The following PCDHGA4 variants were observed in gnomAD, a reference collection of about 807,000 sequenced individuals.
PCDHGA4 encodes the protein protocadherin gamma subfamily A, 4.
Under a neutral mutation model 54.6 loss-of-function variants are expected in PCDHGA4, and 38 were observed. The ratio of observed to expected loss-of-function variants is 0.70; its 90% CI spans 0.54 to 0.91. The LOEUF (loss-of-function observed/expected upper bound fraction) is 0.91. PCDHGA4 is among the 40% of genes least tolerant of loss of function. The pLI is 0.00. For missense variants in PCDHGA4, 1,298 were observed against 1,220.9 expected (o/e 1.06, Z -0.94); for synonymous variants, 511 against 512.9 (o/e 1.00, Z 0.05).
Position 141,356,262 on chromosome 5 carries a change from C to T in PCDHGA4, c.1155C>T (p.Ser385=). ...AAGTCACAGTTACATCTCTCACCAG[C>T]TCAGTCCAGGAATCTTCTTCCCCGG... ...APEVTVTSLT[S]SVQESSSPGT... Residue 385 remains serine (S), a synonymous_variant, in exon 1 of 4, where the codon AGC becomes AGT. Transcript: ENST00000571252. The T allele has an allele frequency of 6.4e-7, 1 of 1,566,296 alleles. No individual in the cohort carries two copies. Among genetic ancestry groups the T allele is most frequent in the South Asian group, 1.2e-5 (1 of 85,408 alleles).
chr5:141,361,966 G>T (rs763102211), intron 1 of PCDHGA4: 1 of 1,601,844 alleles, frequency 6.2e-7, no homozygotes, highest in African/African-American at 1.3e-5. Context: ...CGTGCTGCAG[G>T]CCAGCGAGCC....
chr5:141,422,775 T>G (rs1179216247), intron 1 of PCDHGA4: 1 of 1,614,046 alleles, frequency 6.2e-7, no homozygotes, highest in Non-Finnish European at 8.5e-7. Context: ...GTGTTCTCTA[T>G]GCCCTACAAT....
intron 1 of PCDHGA4, among the ~76,000 whole-genome samples, chr5:141,368,786 T>A (rs997077499): frequency 6.6e-6 from 1 of 152,202 alleles, no homozygotes; most frequent in Non-Finnish European, 1.5e-5. Flanking sequence ...TTCTGAAGAA[T>A]AATTTTTCAT....
At chr5:141,376,909 G>T (rs1253318299) in intron 1 of PCDHGA4, 1 of 186,916 alleles carries the variant, frequency 5.3e-6, no homozygotes, top group Non-Finnish European at 1.1e-5. Context: ...GGATGGTCTC[G>T]ATCTCCTGAC....
At chr5:141,394,968 T>C in intron 1 of PCDHGA4, 1 of 1,613,938 alleles carries the variant, frequency 6.2e-7, no homozygotes, top group Non-Finnish European at 8.5e-7. Context: ...GCTGAGGCGC[T>C]GGCACAAGTC....
chr5:141,430,822 G>C lies in PCDHGA4; in HGVS notation c.2515-63985G>C, dbSNP rs752634890. 5.8e-6 allele frequency: 9 copies of C among 1,542,380 alleles called. No homozygotes were observed. The African/African-American group carries it at 1.1e-4, about 19-fold the overall frequency. On this transcript the variant is annotated intron_variant, in intron 1 of 3. Transcript: ENST00000571252. ...TTGTCCTGCTGGGAATCCTCCTGGGGACTCTGTGGGAGACCGGATGCACCC... is the reference window on the plus strand; with the variant it reads ...TTGTCCTGCTGGGAATCCTCCTGGGCACTCTGTGGGAGACCGGATGCACCC...
intron 1 of PCDHGA4, among the ~76,000 whole-genome samples, chr5:141,435,710 C>T (rs1033703743): frequency 1.3e-5 from 2 of 152,148 alleles, no homozygotes; most frequent in Admixed American, 6.5e-5. Flanking sequence ...TGGTTACAGA[C>T]ACTGAATGCT....
At chr5:141,496,698 C>T (rs2099770595) in intron 2 of PCDHGA4, among the ~76,000 whole-genome samples, 1 of 152,196 alleles carries the variant, frequency 6.6e-6, no homozygotes, top group Non-Finnish European at 1.5e-5. Context: ...CCAACCTTCT[C>T]ATAAGTTATC....
At chr5:141,369,787 A>G (rs1340381540) in intron 1 of PCDHGA4, among the ~76,000 whole-genome samples, 2 of 152,346 alleles carry the variant, frequency 1.3e-5, no homozygotes, top group African/African-American at 4.8e-5. Context: ...GCCTCTTTAT[A>G]CTACGTCTTC....
At chr5:141,425,987 G>A (rs1304785231) in intron 1 of PCDHGA4, among the ~76,000 whole-genome samples, 1 of 152,188 alleles carries the variant, frequency 6.6e-6, no homozygotes, top group Non-Finnish European at 1.5e-5. Flanking sequence ...GAATCCCATT[G>A]AATTAGCAAA....
chr5:141,374,181 A>C (rs765792921), intron 1 of PCDHGA4: 2 of 1,613,530 alleles, frequency 1.2e-6, no homozygotes, highest in African/African-American at 2.7e-5. Flanking sequence ...CAGATCCGCT[A>C]CTCTATTCCC....
rs1049654933 is a variant in PCDHGA4 at position 141,497,808 on chromosome 5, A to G, written c.2573+2943A>G. 2.6e-5 allele frequency among the ~76,000 whole-genome samples: 4 copies of G among 152,282 alleles called. No homozygotes were observed. The East Asian group carries it at 7.7e-4, about 29-fold the overall frequency. Reference sequence around the variant, plus strand: ...ACCTGCTTCAGCTTCCCAAAGTGCTAGAATTACAGGTGTGATCGCCCCCGG... The same window carrying G: ...ACCTGCTTCAGCTTCCCAAAGTGCTGGAATTACAGGTGTGATCGCCCCCGG... On this transcript the variant is annotated intron_variant, in intron 2 of 3. Coordinates refer to ENST00000571252, the MANE Select transcript of PCDHGA4 (RefSeq NM_018917.4).
chr5:141,413,806 A>C, intron 1 of PCDHGA4: 1 of 1,613,168 alleles, frequency 6.2e-7, no homozygotes. Flanking sequence ...GGAAGAGGCC[A>C]TTCACCACCT....
chr5:141,451,576 C>G (rs997933491), intron 1 of PCDHGA4, among the ~76,000 whole-genome samples: 10 of 152,164 alleles, frequency 6.6e-5, no homozygotes, highest in Middle Eastern at 3.4e-3. Context: ...TTTTTATAAA[C>G]CTAATTTTGA....
At chr5:141,377,577 CAGAATGAGACTTTT>C (rs1211676701) in intron 1 of PCDHGA4, 2 of 148,600 alleles carry the variant, frequency 1.3e-5, no homozygotes, top group African/African-American at 2.5e-5. Context: ...GCCTGGGAGA[CAGAATGAGACTTTT>C]TCTCTCTCTC....
Position 141,491,663 on chromosome 5 carries a change from T to G in PCDHGA4, c.2515-3144T>G, listed in dbSNP as rs895604632. ...GCTCTGGCGCTGGAGCCTGACGCCA[T>G]CCGGTCCCGCTCTAATACGCTGCGG... On this transcript the variant is annotated intron_variant, in intron 1 of 3. Coordinates refer to ENST00000571252, the MANE Select transcript of PCDHGA4 (RefSeq NM_018917.4). The surrounding 1 kb of genome is among the most constrained non-coding windows in gnomAD (Gnocchi z 6.9). The G allele has an allele frequency of 3.1e-6, 5 of 1,613,650 alleles. No homozygotes were observed. Among genetic ancestry groups the G allele is most frequent in the Non-Finnish European group, 4.2e-6 (5 of 1,180,014 alleles).
intron 1 of PCDHGA4, among the ~76,000 whole-genome samples, chr5:141,452,401 G>C (rs2098740635): frequency 6.6e-6 from 1 of 152,134 alleles, no homozygotes. Flanking sequence ...CTAAGATCTG[G>C]GTGTGAGGTA....
At chr5:141,399,991 G>T (rs1226741326) in intron 1 of PCDHGA4, 3 of 1,612,304 alleles carry the variant, frequency 1.9e-6, no homozygotes, top group Admixed American at 3.3e-5. Context: ...CACAGGAGAG[G>T]TGCGCACAGC....
Position 141,489,623 on chromosome 5 carries a change from A to T in PCDHGA4, c.2515-5184A>T, listed in dbSNP as rs924162827. On this transcript the variant is annotated intron_variant, in intron 1 of 3. Coordinates refer to ENST00000571252, the MANE Select transcript of PCDHGA4 (RefSeq NM_018917.4). This position sits in a 1 kb window ranked among gnomAD's most constrained non-coding sequence, Gnocchi z 4.5. ...GAGGTAGAGATCCTGGATCTCAATG[A>T]CAACTCTCCTAGCTTTGCCACCCCT... is the stretch of plus-strand genomic sequence containing the variant. The T allele has an allele frequency of 6.2e-7, 1 of 1,614,102 alleles. No homozygotes were observed. Among genetic ancestry groups the T allele is most frequent in the Non-Finnish European group, 8.5e-7 (1 of 1,179,996 alleles).
Sources: gnomAD v4.1 joint callset for allele counts (sites outside exome capture counted in the v4.1 genomes callset) on GRCh38, gnomAD v4.1.1 for gene constraint, Gnocchi (gnomAD v3.1) non-coding constraint, MANE v1.5 for transcripts, NCBI Gene and HGNC (gene_info 2026-07-23, HGNC 2026-07-21) for gene names.